The following EHMT1 variants were observed in gnomAD, a reference collection of about 807,000 sequenced individuals.
The protein encoded by EHMT1 is histone-lysine N-methyltransferase EHMT1.
Under a neutral mutation model 147.2 loss-of-function variants are expected in EHMT1, and 15 were observed. The ratio of observed to expected loss-of-function variants is 0.10; its 90% CI spans 0.07 to 0.16. EHMT1 has a LOEUF of 0.16. EHMT1 is among the 10% of genes least tolerant of loss of function. The pLI, the probability that EHMT1 is intolerant of heterozygous loss-of-function variation, is 1.00. For missense variants in EHMT1, 1,587 were observed against 1,772.4 expected (o/e 0.90, Z 1.88); for synonymous variants, 795 against 709.6 (o/e 1.12, Z -1.91).
chr9:137,780,674 C>T (rs904891262), intron 14 of EHMT1, among the ~76,000 whole-genome samples: 1 of 81,314 alleles, frequency 1.2e-5, no homozygotes, highest in Non-Finnish European at 2.3e-5. Context: ...GTGGTGATGA[C>T]GCCGAGACGT....
chr9:137,653,123 C>T (rs1386099030), intron 1 of EHMT1, among the ~76,000 whole-genome samples: 1 of 152,188 alleles, frequency 6.6e-6, no homozygotes, highest in East Asian at 1.9e-4. Flanking sequence ...CTCACTCACC[C>T]AGAGCAACTT....
chr9:137,814,367 G>A (rs1164594232), intron 21 of EHMT1, 64 bp from the exon 22 acceptor site: 3 of 1,549,370 alleles, frequency 1.9e-6, no homozygotes, highest in Admixed American at 3.3e-5. Flanking sequence ...ACGTAGTTGT[G>A]ACTGGGAGGG....
rs919113226 is a variant in EHMT1, at chr9:137,786,877, C to T, written c.2383-3971C>T. 3.3e-5 allele frequency: 5 copies of T among 152,380 alleles called. No individual in the cohort carries two copies. The highest frequency in any genetic ancestry group is 2.6e-4 in the Admixed American group (4 of 15,294). The allele number at this position is 152,380 out of a possible 1,614,324, so 9.4% of individuals were successfully genotyped here. ...CTTTCGCCGGTGCTGGGGACATCAG[C>T]GTTCTGGCTCCCAGGCTGGGGAGTG... On this transcript the variant is annotated intron_variant, in intron 15 of 26. Transcript: ENST00000460843. This position sits in a 1 kb window ranked among gnomAD's most constrained non-coding sequence, Gnocchi z 4.3.
intron 25 of EHMT1, among the ~76,000 whole-genome samples, chr9:137,833,433 T>C (rs1956362227): frequency 6.6e-6 from 1 of 152,256 alleles, no homozygotes; most frequent in South Asian, 2.1e-4. Flanking sequence ...AGGGTGCTGC[T>C]GAGCCCAGGT....
At chr9:137,634,577 C>T (rs923071005) in intron 1 of EHMT1, among the ~76,000 whole-genome samples, 19 of 151,418 alleles carry the variant, frequency 1.3e-4, no homozygotes, top group Non-Finnish European at 7.4e-5. Flanking sequence ...TCAACTTTGT[C>T]TTTTTCATGA....
intron 18 of EHMT1, among the ~76,000 whole-genome samples, chr9:137,805,393 C>T (rs1953862687): frequency 6.6e-6 from 1 of 152,192 alleles, no homozygotes; most frequent in South Asian, 2.1e-4. Flanking sequence ...AGCCAGTCGT[C>T]CACATGTCAG....
intron 1 of EHMT1, among the ~76,000 whole-genome samples, chr9:137,643,153 C>T (rs1007114143): frequency 5.3e-5 from 8 of 151,834 alleles, no homozygotes; most frequent in Admixed American, 3.9e-4. Flanking sequence ...CAAGGTGTTG[C>T]GGTTGCAGGC....
chr9:137,827,181 C>T (rs1428597577), intron 25 of EHMT1, among the ~76,000 whole-genome samples: 1 of 152,212 alleles, frequency 6.6e-6, no homozygotes, highest in African/African-American at 2.4e-5. Flanking sequence ...AGCTGCCACA[C>T]TCGCCTGATT....
At chr9:137,670,711 T>TG (rs1233108547) in intron 1 of EHMT1, among the ~76,000 whole-genome samples, 2 of 152,194 alleles carry the variant, frequency 1.3e-5, no homozygotes, top group Non-Finnish European at 2.9e-5. Context: ...CTGCCCCTCC[T>TG]GGCTCCAGTT....
At chr9:137,793,223 G>A (rs1952656658) in intron 16 of EHMT1, among the ~76,000 whole-genome samples, 1 of 152,178 alleles carries the variant, frequency 6.6e-6, no homozygotes, top group Non-Finnish European at 1.5e-5. Context: ...ATATAAAGAG[G>A]TTGTACATCT....
At chr9:137,726,809 G>A (rs1484962851) in intron 3 of EHMT1, among the ~76,000 whole-genome samples, 3 of 152,144 alleles carry the variant, frequency 2.0e-5, no homozygotes, top group Non-Finnish European at 4.4e-5. Context: ...GCTCACTGTG[G>A]TTTCCATATG....
Position 137,776,742 on chromosome 9 carries a change from A to G in EHMT1, c.1916A>G (p.Glu639Gly). Reference sequence around the variant, plus strand: ...GGGGAGGAGAGCTCCAAGGCCAAAGAGGTGACGATAGCTAAAGCAGACACC... The same window carrying G: ...GGGGAGGAGAGCTCCAAGGCCAAAGGGGTGACGATAGCTAAAGCAGACACC... Reference protein sequence around the residue: ...HCGEESSKAKEVTIAKADTTS... With the variant: ...HCGEESSKAKGVTIAKADTTS... The change falls in exon 12 of 27, where the codon GAG becomes GGG. Residue 639 changes from glutamate to glycine, a missense_variant. Coordinates refer to ENST00000460843, the MANE Select transcript of EHMT1 (RefSeq NM_024757.5). This position sits in a 1 kb window ranked among gnomAD's most constrained non-coding sequence, Gnocchi z 4.4. 1 of 1,614,044 alleles carries G rather than the reference A, an allele frequency of 6.2e-7. No homozygotes were observed.
intron 2 of EHMT1, among the ~76,000 whole-genome samples, chr9:137,715,086 A>C (rs778087858): frequency 6.6e-6 from 1 of 152,158 alleles, no homozygotes; most frequent in Non-Finnish European, 1.5e-5. Context: ...CAAATTCAGC[A>C]GTCTGGTTGT....
chr9:137,650,154 AGTGGTG>A (rs1564540521), intron 1 of EHMT1, among the ~76,000 whole-genome samples: 20 of 152,170 alleles, frequency 1.3e-4, no homozygotes, highest in African/African-American at 4.8e-4. Flanking sequence ...GCTGGAGTGC[AGTGGTG>A]CAGTCACAGC....
chr9:137,624,080 A>G lies in EHMT1; in HGVS notation c.21+5031A>G, dbSNP rs564500096. On this transcript the variant is annotated intron_variant, in intron 1 of 26. Coordinates refer to ENST00000460843, the MANE Select transcript of EHMT1 (RefSeq NM_024757.5). ...AGTGGCGCCATCTCGGCTTACTGCAACCTCCGTCTCCTGGGCTCAAGTGGT... is the reference window on the plus strand; with the variant it reads ...AGTGGCGCCATCTCGGCTTACTGCAGCCTCCGTCTCCTGGGCTCAAGTGGT... Among the ~76,000 whole-genome samples, 168 of 149,136 alleles carry G rather than the reference A, an allele frequency of 1.1e-3. 1 individual carries two copies. Among genetic ancestry groups the G allele is most frequent in the South Asian group, 9.6e-3 (45 of 4,690 alleles).
At chr9:137,728,626 C>T (rs1946833944) in intron 4 of EHMT1, 97 bp downstream of exon 4, 1 of 1,535,536 alleles carries the variant, frequency 6.5e-7, no homozygotes, top group Non-Finnish European at 9.0e-7. Context: ...AGTGCCTGTG[C>T]TGCTCTTGAT....
chr9:137,634,064 C>T (rs1843805153), intron 1 of EHMT1, among the ~76,000 whole-genome samples: 1 of 152,264 alleles, frequency 6.6e-6, no homozygotes, highest in South Asian at 2.1e-4. Flanking sequence ...CCACCTGCCT[C>T]GGCCTCTCAA....
At chr9:137,626,873 C>T (rs1250216085) in intron 1 of EHMT1, among the ~76,000 whole-genome samples, 1 of 151,472 alleles carries the variant, frequency 6.6e-6, no homozygotes, top group Non-Finnish European at 1.5e-5. Context: ...GTAATCTCTG[C>T]ATCCTAGGTT....
At chr9:137,735,902 A>G (rs138439462) in intron 4 of EHMT1, among the ~76,000 whole-genome samples, 4 of 152,344 alleles carry the variant, frequency 2.6e-5, no homozygotes, top group Admixed American at 2.0e-4. Flanking sequence ...GAGCCAGAGC[A>G]TGAAGCCCTA....
Sources: allele counts gnomAD v4.1 joint callset (sites outside exome capture counted in the v4.1 genomes callset), GRCh38; gene constraint gnomAD v4.1.1; non-coding constraint Gnocchi (gnomAD v3.1); transcripts MANE v1.5; gene names NCBI Gene and HGNC (gene_info 2026-07-23, HGNC 2026-07-21).